The following KNG1 variants were observed in gnomAD, a reference collection of about 807,000 sequenced individuals.
The protein encoded by KNG1 is kininogen 1, also known as kininogen-1.
In KNG1, 23 loss-of-function variants were observed where a neutral mutation model predicts 47.8. That is an observed-to-expected ratio of 0.48 (90% CI 0.35 to 0.68). KNG1 has a LOEUF of 0.68. Among genes scored for constraint, KNG1 ranks in the 30% least tolerant of loss-of-function variants. KNG1 has a pLI of 0.01. For missense variants in KNG1, 762 were observed against 790.2 expected (o/e 0.96, Z 0.43); for synonymous variants, 277 against 277.0 (o/e 1.00, Z 0.00).
intron 7 of KNG1, among the ~76,000 whole-genome samples, chr3:186,732,988 C>G (rs1720577357): frequency 6.6e-6 from 1 of 152,164 alleles, no homozygotes; most frequent in South Asian, 2.1e-4. Context: ...TGGCTCACAC[C>G]TGCAATACCA....
At chr3:186,725,309 G>C (rs2108623542) in intron 4 of KNG1, 49 bp downstream of exon 4, 1 of 1,548,966 alleles carries the variant, frequency 6.5e-7, no homozygotes, top group Non-Finnish European at 8.9e-7. Context: ...AAATTTGTTA[G>C]ATCTTTACAT....
intron 9 of KNG1, among the ~76,000 whole-genome samples, chr3:186,740,238 GA>G (rs1720773224): frequency 6.6e-6 from 1 of 152,120 alleles, no homozygotes; most frequent in Admixed American, 6.6e-5. Context: ...TGTCAAGGAT[GA>G]GACACTAAAA....
At chr3:186,718,051 C>G in intron 1 of KNG1, 1 of 320,306 alleles carries the variant, frequency 3.1e-6, no homozygotes, top group South Asian at 2.2e-5. Context: ...CATCACCCAC[C>G]ACCATCACCC....
intron 2 of KNG1, chr3:186,720,495 T>G: frequency 2.4e-6 from 1 of 408,184 alleles, no homozygotes; most frequent in East Asian, 4.8e-5. Flanking sequence ...AGATAACAAA[T>G]TGACATTTGG....
chr3:186,739,525 T>C lies in KNG1; in HGVS notation c.1125+111T>C, dbSNP rs1001046447. ...AAATGAATTGGGGAGCTATCTTTTT[T>C]AAATGGGGAGTAACTCTCACACTTC... On this transcript the variant is annotated intron_variant, in intron 9 of 9. Coordinates refer to ENST00000644859, the MANE Select transcript of KNG1 (RefSeq NM_001102416.3). 4 of 766,416 alleles carry C rather than the reference T, an allele frequency of 5.2e-6. No homozygotes were observed. In the African/African-American group the frequency reaches 6.9e-5, roughly 13 times the overall value. 47.5% of individuals were successfully genotyped at this position (766,416 alleles called of 1,614,324 possible). A position where few individuals can be genotyped will look rare whatever the true frequency, so the allele number is the denominator to read the frequency against.
intron 7 of KNG1, among the ~76,000 whole-genome samples, chr3:186,734,212 AGTC>A (rs1720613751): frequency 1.3e-5 from 2 of 152,236 alleles, no homozygotes; most frequent in African/African-American, 4.8e-5. Context: ...CTAAAGTAGG[AGTC>A]TTTATATACA....
intron 9 of KNG1, among the ~76,000 whole-genome samples, chr3:186,741,236 T>G (rs1291863273): frequency 2.0e-5 from 3 of 152,140 alleles, no homozygotes; most frequent in Non-Finnish European, 4.4e-5. Flanking sequence ...TCAAGTGATC[T>G]GCTCGCCTTG....
At chr3:186,718,315 A>AC (rs1422466916) in intron 1 of KNG1, 19 of 366 alleles carry the variant, frequency 0.052, 3 homozygotes, top group Non-Finnish European at 0.07. Flanking sequence ...ACCCACCACC[A>AC]CCACCACCCA....
At chr3:186,738,987 C>A in intron 7 of KNG1, 112 bp from the exon 8 acceptor site, 1 of 873,344 alleles carries the variant, frequency 1.1e-6, no homozygotes, top group Non-Finnish European at 1.9e-6. Flanking sequence ...GTATGTAACT[C>A]TCTAAGTTGG....
At chr3:186,723,677 CAG>C (rs960292691) in intron 3 of KNG1, among the ~76,000 whole-genome samples, 13 of 151,312 alleles carry the variant, frequency 8.6e-5, no homozygotes, top group African/African-American at 2.7e-4. Context: ...CATTTTGAGA[CAG>C]AGTCTCGCAC....
intron 5 of KNG1, 81 bp downstream of exon 5, chr3:186,727,425 C>A: frequency 1.1e-6 from 1 of 911,588 alleles, no homozygotes; most frequent in South Asian, 1.3e-5. Context: ...GGTGGGAAGA[C>A]TGTCACGAAA....
intron 4 of KNG1, among the ~76,000 whole-genome samples, chr3:186,725,971 T>C (rs1389592128): frequency 3.7e-4 from 55 of 150,330 alleles, no homozygotes. Flanking sequence ...CTCGCTCTGT[T>C]GCCTAGGCTG....
intron 6 of KNG1, 21 bp from the exon 7 acceptor site, chr3:186,732,481 C>A: frequency 2.0e-5 from 32 of 1,613,682 alleles, no homozygotes; most frequent in Non-Finnish European, 2.7e-5. Context: ...TACATGTTGA[C>A]TTAAAACCTG....
In KNG1 at chr3:186,741,775, G is replaced by GC. The variant is rs1348437030; in HGVS notation, c.1381dup (p.Leu461ProfsTer16). Reference sequence around the variant, plus strand: ...GGGCATGGGCACCAAAGAGGACATGGCCTTGGCCATGGACACGAACAACAG... The same window carrying GC: ...GGGCATGGGCACCAAAGAGGACATGGCCCTTGGCCATGGACACGAACAACAG... On this transcript the variant is annotated frameshift_variant, in exon 10 of 10. Coordinates refer to ENST00000644859, the MANE Select transcript of KNG1 (RefSeq NM_001102416.3). LOFTEE classifies it low-confidence loss of function (END_TRUNC). 1 of 1,613,960 alleles carries GC rather than the reference G, an allele frequency of 6.2e-7. No individual in the cohort carries two copies. Among genetic ancestry groups the GC allele is most frequent in the Non-Finnish European group, 8.5e-7 (1 of 1,180,004 alleles).
intron 9 of KNG1, 66 bp downstream of exon 9, chr3:186,739,480 C>A: frequency 9.2e-7 from 1 of 1,085,096 alleles, no homozygotes; most frequent in Non-Finnish European, 1.4e-6. Context: ...TATTTGGGGG[C>A]TGAAAATGAA....
At chr3:186,731,868 C>G (rs2108629734) in intron 6 of KNG1, among the ~76,000 whole-genome samples, 1 of 152,318 alleles carries the variant, frequency 6.6e-6, no homozygotes, top group East Asian at 1.9e-4. Context: ...TGTATGACCC[C>G]TGGGCAAAGT....
At chr3:186,728,845 G>C (rs1193758419) in intron 5 of KNG1, 4 of 152,166 alleles carry the variant, frequency 2.6e-5, no homozygotes, top group African/African-American at 2.4e-5. Flanking sequence ...ACAGATGGGG[G>C]TTTTGCCACG....
rs147392924 is a variant in KNG1, at chr3:186,738,035, G to A, written c.931-1064G>A. On this transcript the variant is annotated intron_variant, in intron 7 of 9. Transcript: ENST00000644859. ...CTGTCACCCAGGCTGGAGTGCAGTGGCATGACCTCAGCTCACTGCAACCTC... is the reference window on the plus strand; with the variant it reads ...CTGTCACCCAGGCTGGAGTGCAGTGACATGACCTCAGCTCACTGCAACCTC... 1.8e-3 allele frequency among the ~76,000 whole-genome samples: 275 copies of A among 152,170 alleles called. 1 individual carries two copies. Among genetic ancestry groups the A allele is most frequent in the African/African-American group, 6.2e-3 (257 of 41,506 alleles).
chr3:186,720,178 C>G lies in KNG1; in HGVS notation c.269C>G (p.Thr90Ser), dbSNP rs1169393893. Residue 90 changes from threonine to serine, a missense_variant, in exon 2 of 10, where the codon ACC becomes AGC. By Grantham distance (58) the Thr-to-Ser change is moderately conservative. Transcript: ENST00000644859. The stretch of plus-strand genomic sequence containing the variant: ...GATTGTCCTGTTCAAAGTGGCAAAA[C>G]CTGGCAGGACTGTGAGTACAAGGAT... Reference protein sequence around the residue: ...EGDCPVQSGKTWQDCEYKDAA... With the variant: ...EGDCPVQSGKSWQDCEYKDAA... 4 of 1,613,614 alleles carry G rather than the reference C, an allele frequency of 2.5e-6. No individual in the cohort carries two copies. The Admixed American group carries it at 5.0e-5, about 20-fold the overall frequency.
Sources: allele counts gnomAD v4.1 joint callset (sites outside exome capture counted in the v4.1 genomes callset), GRCh38; gene constraint gnomAD v4.1.1; transcripts MANE v1.5; gene names NCBI Gene and HGNC (gene_info 2026-07-23, HGNC 2026-07-21).